Variants in CAMKMT observed in about 807,000 individuals in gnomAD.
The protein encoded by CAMKMT is CaM KMT.
CAMKMT carries 53 observed loss-of-function variants against 48.0 expected under a neutral mutation model. That is an observed-to-expected ratio of 1.10 (90% CI 0.89 to 1.39). The LOEUF is 1.39. Among genes scored for constraint, CAMKMT ranks in the 40% most tolerant of loss-of-function variants. The pLI is 0.00. For synonymous variants in CAMKMT, 165 were observed against 152.3 expected (o/e 1.08, Z -0.61); for missense variants, 428 against 402.7 (o/e 1.06, Z -0.54).
rs563204845 is a variant in CAMKMT at position 44,527,245 on chromosome 2, G to A, written c.376+136940G>A. On this transcript the variant is annotated intron_variant, in intron 3 of 10. Coordinates refer to ENST00000378494, the MANE Select transcript of CAMKMT (RefSeq NM_024766.5). Reference sequence around the variant, plus strand: ...GTAGTAGCTGGGACTACAGGTGAACGCCACCATATCTGGCAATATATATAT... The same window carrying A: ...GTAGTAGCTGGGACTACAGGTGAACACCACCATATCTGGCAATATATATAT... Among the ~76,000 whole-genome samples the A allele has an allele frequency of 1.8e-4, 26 of 143,476 alleles. 1 individual carries two copies. The highest frequency in any genetic ancestry group is 6.7e-4 in the African/African-American group (26 of 38,968). 94.1% of individuals were successfully genotyped at this position (143,476 alleles called of 152,430 possible).
At chr2:44,656,708 AC>A (rs1389742727) in intron 3 of CAMKMT, among the ~76,000 whole-genome samples, 5 of 151,294 alleles carry the variant, frequency 3.3e-5, no homozygotes, top group Non-Finnish European at 7.4e-5. Context: ...CCCCCACCCC[AC>A]CTTTTTTTTA....
In CAMKMT at chr2:44,704,397, A is replaced by G. The variant is rs1303424491; in HGVS notation, c.437+54A>G. The G allele has an allele frequency of 2.2e-5, 26 of 1,184,680 alleles. No homozygotes were observed. The East Asian group carries it at 5.7e-4, about 26-fold the overall frequency. 73.4% of individuals were successfully genotyped at this position (1,184,680 alleles called of 1,614,324 possible). The stretch of plus-strand genomic sequence containing the variant: ...AGCCCATCACGGATATTGAATCAAC[A>G]TATTAAAAATTGCCATGATTATATT... On this transcript the variant is annotated intron_variant, in intron 4 of 10. Transcript: ENST00000378494.
chr2:44,549,224 C>T (rs1416329497), intron 3 of CAMKMT, among the ~76,000 whole-genome samples: 1 of 152,158 alleles, frequency 6.6e-6, no homozygotes, highest in Non-Finnish European at 1.5e-5. Context: ...CTGGTGAATG[C>T]CTGAGGCTCT....
intron 3 of CAMKMT, among the ~76,000 whole-genome samples, chr2:44,532,250 T>C (rs1187081847): frequency 6.6e-6 from 1 of 152,230 alleles, no homozygotes; most frequent in Non-Finnish European, 1.5e-5. Context: ...GATCAAAGAA[T>C]GTACAAATGT....
intron 3 of CAMKMT, among the ~76,000 whole-genome samples, chr2:44,645,855 A>G (rs953328763): frequency 6.6e-6 from 1 of 152,190 alleles, no homozygotes; most frequent in Non-Finnish European, 1.5e-5. Flanking sequence ...ATCTAAGTCT[A>G]AGATAATCAT....
intron 3 of CAMKMT, among the ~76,000 whole-genome samples, chr2:44,450,525 G>C (rs1284586918): frequency 1.3e-5 from 2 of 152,230 alleles, no homozygotes; most frequent in East Asian, 3.9e-4. Flanking sequence ...CTTAAACATA[G>C]TTTATGGTGA....
chr2:44,362,131 A>C lies in CAMKMT; in HGVS notation c.124A>C (p.Lys42Gln). The C allele has an allele frequency of 6.8e-7, 1 of 1,477,666 alleles. No homozygotes were observed. Among genetic ancestry groups the C allele is most frequent in the Non-Finnish European group, 8.9e-7 (1 of 1,125,464 alleles). The allele number at this position is 1,477,666 out of a possible 1,614,324, so 91.5% of individuals were successfully genotyped here. A position where few individuals can be genotyped will look rare whatever the true frequency, so the allele number is the denominator to read the frequency against. Residue 42 changes from lysine to glutamine, a missense_variant, in exon 1 of 11, where the codon AAG becomes CAG. Coordinates refer to ENST00000378494, the MANE Select transcript of CAMKMT (RefSeq NM_024766.5). The part of the protein sequence containing the change: ...VSAPLGAARW[K>Q]LLRQVLKQKH... ...GGCGCCCCTGGGAGCCGCCCGGTGG[A>C]AGCTCCTGCGGCAGGTAAGGGAGAA...
intron 3 of CAMKMT, among the ~76,000 whole-genome samples, chr2:44,485,445 A>G (rs528790291): frequency 1.3e-5 from 2 of 152,260 alleles, no homozygotes; most frequent in East Asian, 1.9e-4. Flanking sequence ...GACAGACTCA[A>G]AATAATACAT....
intron 3 of CAMKMT, among the ~76,000 whole-genome samples, chr2:44,420,553 T>C (rs1683865230): frequency 6.6e-6 from 1 of 151,980 alleles, no homozygotes; most frequent in South Asian, 2.1e-4. Flanking sequence ...ACATGTGTTG[T>C]TCAAGAGTCA....
chr2:44,500,492 A>G (rs1669953384), intron 3 of CAMKMT, among the ~76,000 whole-genome samples: 2 of 151,986 alleles, frequency 1.3e-5, no homozygotes, highest in Non-Finnish European at 2.9e-5. Flanking sequence ...TTTTTCCTGG[A>G]TTATTGTAGG....
intron 3 of CAMKMT, among the ~76,000 whole-genome samples, chr2:44,626,811 C>T (rs972760821): frequency 5.9e-5 from 9 of 152,118 alleles, no homozygotes; most frequent in Non-Finnish European, 1.2e-4. Flanking sequence ...GAGACCATGT[C>T]CTGTATGAAT....
intron 3 of CAMKMT, among the ~76,000 whole-genome samples, chr2:44,689,264 T>TATTTA (rs1553438289): frequency 1.5e-5 from 2 of 136,208 alleles, no homozygotes; most frequent in Admixed American, 7.4e-5. Context: ...CAGCACTATT[T>TATTTA]TTTATTTATT....
intron 3 of CAMKMT, among the ~76,000 whole-genome samples, chr2:44,402,740 G>GTTTTTTTTTTTTTTTTTTTTCTTT: frequency 4.3e-5 from 4 of 94,106 alleles, no homozygotes; most frequent in East Asian, 2.9e-4. Flanking sequence ...TTGTTTTGCT[G>GTTTTTTTTTTTTTTTTTTTTCTTT]TTTTTTTTTT....
At chr2:44,711,899 A>G (rs1677899174) in intron 6 of CAMKMT, among the ~76,000 whole-genome samples, 1 of 152,218 alleles carries the variant, frequency 6.6e-6, no homozygotes, top group East Asian at 1.9e-4. Flanking sequence ...AACCAGCACT[A>G]GAAGCCAGGT....
intron 3 of CAMKMT, among the ~76,000 whole-genome samples, chr2:44,443,163 C>T (rs978849938): frequency 1.3e-5 from 2 of 152,076 alleles, no homozygotes; most frequent in African/African-American, 2.4e-5. Context: ...AAAAAATGTT[C>T]GTATCATTTG....
intron 7 of CAMKMT, among the ~76,000 whole-genome samples, chr2:44,738,934 G>C (rs538946627): frequency 1.4e-3 from 206 of 152,282 alleles, no homozygotes; most frequent in Middle Eastern, 3.4e-3. Context: ...GAGCATTTTG[G>C]CTGCTCAAGC....
At chr2:44,482,878 T>C (rs962134198) in intron 3 of CAMKMT, among the ~76,000 whole-genome samples, 3 of 152,176 alleles carry the variant, frequency 2.0e-5, no homozygotes, top group Non-Finnish European at 2.9e-5. Context: ...ATTGTCTTCA[T>C]GTGCATCTAG....
chr2:44,758,326 G>T (rs777688503), intron 9 of CAMKMT, among the ~76,000 whole-genome samples: 1 of 152,172 alleles, frequency 6.6e-6, no homozygotes, highest in Non-Finnish European at 1.5e-5. Context: ...GAGGTCCCCA[G>T]AGAGACCTTA....
chr2:44,656,603 C>T (rs1167428195), intron 3 of CAMKMT, among the ~76,000 whole-genome samples: 1 of 152,162 alleles, frequency 6.6e-6, no homozygotes, highest in Non-Finnish European at 1.5e-5. Context: ...TTTCTCCCTT[C>T]TCCATTCCAC....
Sources: allele counts gnomAD v4.1 joint callset (sites outside exome capture counted in the v4.1 genomes callset), GRCh38; gene constraint gnomAD v4.1.1; transcripts MANE v1.5; gene names NCBI Gene and HGNC (gene_info 2026-07-23, HGNC 2026-07-21).